STOML3: variants seen among roughly 807,000 people sequenced by gnomAD.
STOML3 encodes the protein stomatin like 3.
In STOML3, 31 loss-of-function variants were observed where a neutral mutation model predicts 29.5. That is an observed-to-expected ratio of 1.05 (90% CI 0.79 to 1.42). STOML3 has a LOEUF of 1.42. STOML3 is among the 40% of genes most tolerant of loss of function. The probability of loss-of-function intolerance (pLI) is 0.00; values close to 1 mark genes in which losing one functional copy is unlikely to be tolerated. For missense variants in STOML3, 380 were observed against 363.0 expected, an observed-to-expected ratio of 1.05 and a Z score of -0.38; for synonymous variants, 122 against 139.8, an observed-to-expected ratio of 0.87 and a Z score of 0.90.
At chr13:38,990,270 T>C (rs1364109271) in intron 1 of STOML3, among the ~76,000 whole-genome samples, 2 of 152,196 alleles carry the variant, frequency 1.3e-5, no homozygotes, top group Non-Finnish European at 1.5e-5. Flanking sequence ...ATCTTTGTTA[T>C]TTAATACAAA....
chr13:38,975,404 T>C (rs1430376568), intron 3 of STOML3, among the ~76,000 whole-genome samples: 2 of 152,060 alleles, frequency 1.3e-5, no homozygotes, highest in African/African-American at 4.8e-5. Context: ...TTTCCCATAA[T>C]TTTTTTATAT....
Position 38,967,024 on chromosome 13 carries a change from T to C in STOML3, c.677A>G (p.Asn226Ser). The C allele has an allele frequency of 6.2e-7, 1 of 1,613,978 alleles. No individual in the cohort carries two copies. Among genetic ancestry groups the C allele is most frequent in the Non-Finnish European group, 8.5e-7 (1 of 1,179,958 alleles). Residue 226 changes from asparagine (N) to serine (S), a missense_variant, in exon 7 of 7, where the codon AAT becomes AGT. Asn to Ser is a conservative substitution (Grantham distance 46, BLOSUM62 1). Transcript: ENST00000379631. ...AKVLAAEGEMNASKSLKSASM... is the reference protein window; with the variant it reads ...AKVLAAEGEMSASKSLKSASM... Reference sequence around the variant, plus strand: ...GGCTGACTTCAGGGATTTGGAAGCATTCATTTCTCCTTCAGCTGCAAGGAC... The same window carrying C: ...GGCTGACTTCAGGGATTTGGAAGCACTCATTTCTCCTTCAGCTGCAAGGAC...
chr13:38,982,660 A>G (rs913557076), intron 1 of STOML3, among the ~76,000 whole-genome samples: 2 of 152,194 alleles, frequency 1.3e-5, no homozygotes, highest in Non-Finnish European at 2.9e-5. Context: ...GGAAACATCA[A>G]ACTGGGTACT....
At chr13:38,986,719 TAAGGAACACTTTTA>T (rs1385791540) in intron 1 of STOML3, among the ~76,000 whole-genome samples, 1 of 152,130 alleles carries the variant, frequency 6.6e-6, no homozygotes, top group Non-Finnish European at 1.5e-5. Context: ...CAGCTTGCAT[TAAGGAACACTTTTA>T]AGGAAAGTGC....
At position 38,973,096 on chromosome 13, in the gene STOML3, T is replaced by TAAAAAA. The variant is rs71074495; in HGVS notation, c.230-508_230-503dup. On this transcript the variant is annotated intron_variant, in intron 3 of 6. Coordinates refer to ENST00000379631, the MANE Select transcript of STOML3 (RefSeq NM_145286.3). Reference sequence around the variant, plus strand: ...CAACATGGTGAAGCCCCGTCTCTACTAAAAAAAAAAAAAAAAAAAAAAAAA... The same window carrying TAAAAAA: ...CAACATGGTGAAGCCCCGTCTCTACTAAAAAAAAAAAAAAAAAAAAAAAAAAAAAAA... Among the ~76,000 whole-genome samples, 17 of 32,568 alleles carry TAAAAAA rather than the reference T, an allele frequency of 5.2e-4. 1 individual carries two copies. The highest frequency in any genetic ancestry group is 6.3e-4 in the Non-Finnish European group (12 of 19,130). The allele number at this position is 32,568 out of a possible 152,430, so 21.4% of individuals were successfully genotyped here.
At chr13:38,977,331 A>T (rs1459918872) in intron 1 of STOML3, among the ~76,000 whole-genome samples, 1 of 152,222 alleles carries the variant, frequency 6.6e-6, no homozygotes, top group African/African-American at 2.4e-5. Context: ...AGGATAGAAG[A>T]CCACTCAGTC....
At chr13:38,987,509 A>C (rs1369706335) in intron 1 of STOML3, among the ~76,000 whole-genome samples, 2 of 151,126 alleles carry the variant, frequency 1.3e-5, no homozygotes, top group Non-Finnish European at 1.5e-5. Flanking sequence ...AAAATAAATA[A>C]AGTGTGCCAG....
intron 1 of STOML3, among the ~76,000 whole-genome samples, chr13:38,988,478 ATTT>A (rs1868803172): frequency 8.5e-6 from 1 of 118,116 alleles, no homozygotes; most frequent in Non-Finnish European, 1.6e-5. Flanking sequence ...TATATAATAT[ATTT>A]TATATCATAT....
At chr13:38,988,879 AT>A (rs1348378622) in intron 1 of STOML3, among the ~76,000 whole-genome samples, 6 of 142,316 alleles carry the variant, frequency 4.2e-5, no homozygotes, top group Non-Finnish European at 1.5e-5. Context: ...TATAATATAT[AT>A]TATTACATAT....
chr13:38,972,373 G>T, intron 4 of STOML3, 139 bp downstream of exon 4: 1 of 718,108 alleles, frequency 1.4e-6, no homozygotes, highest in Non-Finnish European at 2.2e-6. Context: ...CCAAGGAAGG[G>T]CAATTCAAGC....
chr13:38,971,862 T>G (rs912406563), intron 4 of STOML3, among the ~76,000 whole-genome samples: 2 of 151,946 alleles, frequency 1.3e-5, no homozygotes, highest in African/African-American at 4.8e-5. Flanking sequence ...GAGGTAGAGG[T>G]TGCAATGAGC....
At chr13:38,982,957 CCTAT>C (rs573467819) in intron 1 of STOML3, among the ~76,000 whole-genome samples, 32 of 152,268 alleles carry the variant, frequency 2.1e-4, no homozygotes, top group South Asian at 6.2e-4. Flanking sequence ...TGAATTTTCC[CCTAT>C]CTGTCTGTTA....
chr13:38,987,204 AAC>A (rs1386143622), intron 1 of STOML3, among the ~76,000 whole-genome samples: 5 of 152,088 alleles, frequency 3.3e-5, no homozygotes, highest in Admixed American at 6.6e-5. Context: ...TGGAGTTAGA[AAC>A]ACATGCACAC....
Position 38,983,643 on chromosome 13 carries a change from G to A in STOML3, c.53-6846C>T, listed in dbSNP as rs7327136. Among the ~76,000 whole-genome samples the A allele has an allele frequency of 3.2e-3, 491 of 152,246 alleles. 3 individuals carry two copies. The highest frequency in any genetic ancestry group is 0.011 in the African/African-American group (458 of 41,552). The stretch of plus-strand genomic sequence containing the variant: ...CTTGAGAAAAATATAGAAATATCAG[G>A]TCTTTAGTGAAGAATTAGTAAATTA... On this transcript the variant is annotated intron_variant, in intron 1 of 6. Transcript: ENST00000379631.
intron 6 of STOML3, among the ~76,000 whole-genome samples, chr13:38,968,036 T>C (rs1398813655): frequency 6.6e-6 from 1 of 152,192 alleles, no homozygotes; most frequent in African/African-American, 2.4e-5. Context: ...AGAGGTTTCT[T>C]AGCCCACTCA....
chr13:38,984,989 A>G (rs1868451606), intron 1 of STOML3, among the ~76,000 whole-genome samples: 1 of 152,172 alleles, frequency 6.6e-6, no homozygotes, highest in Non-Finnish European at 1.5e-5. Context: ...GATCTGTTGG[A>G]AAGTCCTTGT....
rs145377360 is a variant in STOML3 at position 38,989,552 on chromosome 13, G to C, written c.52+1118C>G. 7.7e-3 allele frequency among the ~76,000 whole-genome samples: 1,163 copies of C among 151,656 alleles called. 14 individuals are homozygous for C. Among genetic ancestry groups the C allele is most frequent in the African/African-American group, 0.027 (1,118 of 41,312 alleles). ...GGGTCTCACTCTGTCACCCAGGCTG[G>C]AGTACAGTGGTGCAATCTCAGCTCA... On this transcript the variant is annotated intron_variant, in intron 1 of 6. Coordinates refer to ENST00000379631, the MANE Select transcript of STOML3 (RefSeq NM_145286.3).
intron 1 of STOML3, among the ~76,000 whole-genome samples, chr13:38,977,401 T>C (rs1281899081): frequency 1.3e-5 from 2 of 152,214 alleles, no homozygotes; most frequent in Non-Finnish European, 2.9e-5. Context: ...CTTAGAGAAT[T>C]TGATGAGGAT....
intron 1 of STOML3, among the ~76,000 whole-genome samples, chr13:38,983,353 A>T (rs1881330927): frequency 6.6e-6 from 1 of 152,200 alleles, no homozygotes; most frequent in African/African-American, 2.4e-5. Flanking sequence ...ATAGCTTTGA[A>T]TAAAGTCTTC....
Sources: allele counts gnomAD v4.1 joint callset (sites outside exome capture counted in the v4.1 genomes callset), GRCh38; gene constraint gnomAD v4.1.1; transcripts MANE v1.5; gene names NCBI Gene and HGNC (gene_info 2026-07-23, HGNC 2026-07-21).